DRC7: variants seen among roughly 807,000 people sequenced by gnomAD.
DRC7 encodes the protein coiled-coil domain containing 135.
In DRC7, 80 loss-of-function variants were observed where a neutral mutation model predicts 104.4. The ratio of observed to expected loss-of-function variants is 0.77; its 90% CI spans 0.64 to 0.92. The LOEUF (loss-of-function observed/expected upper bound fraction) is 0.92, where lower values mean the gene tolerates loss of function less well. DRC7 is among the 40% of genes least tolerant of loss of function. The probability of loss-of-function intolerance (pLI) is 0.00; values close to 1 mark genes in which losing one functional copy is unlikely to be tolerated. For synonymous variants in DRC7, 405 were observed against 447.3 expected (o/e 0.91, Z 1.19); for missense variants, 1,034 against 1,141.1 (o/e 0.91, Z 1.35).
At chr16:57,724,309 C>CAAA (rs35767816) in intron 12 of DRC7, among the ~76,000 whole-genome samples, 74 of 80,646 alleles carry the variant, frequency 9.2e-4, no homozygotes, top group Non-Finnish European at 1.4e-3. Context: ...GGCTGTGTCT[C>CAAA]AAAAAAAAAA....
chr16:57,701,726 A>T (rs2148732999), intron 5 of DRC7: 1 of 562,358 alleles, frequency 1.8e-6, no homozygotes, highest in Non-Finnish European at 3.2e-6. Context: ...AGCCCCTTCA[A>T]ATGACAGGCA....
chr16:57,700,330 C>T, intron 5 of DRC7, 60 bp downstream of exon 5: 2 of 1,556,426 alleles, frequency 1.3e-6, no homozygotes, highest in South Asian at 1.2e-5. Flanking sequence ...GTGTGAGAAA[C>T]AAACTCACCC....
At chr16:57,707,704 G>A (rs1365393678) in intron 8 of DRC7, 26 bp downstream of exon 8, 2 of 1,598,390 alleles carry the variant, frequency 1.3e-6, no homozygotes, top group Non-Finnish European at 1.7e-6. Context: ...GAGCTGGGTG[G>A]GTGTGGCAGG....
chr16:57,723,014 T>C lies in DRC7; in HGVS notation c.1421T>C (p.Leu474Ser). The C allele has an allele frequency of 6.2e-7, 1 of 1,613,764 alleles. No individual in the cohort carries two copies. The highest frequency in any genetic ancestry group is 8.5e-7 in the Non-Finnish European group (1 of 1,179,958). ...TYEDLQCTNILEIKEWYQNRE... is the reference protein window; with the variant it reads ...TYEDLQCTNISEIKEWYQNRE... The stretch of plus-strand genomic sequence containing the variant: ...ATCGGCCCCACAGGTACCAATATTT[T>C]GGAGATAAAGGAGTGGTACCAGAAC... Residue 474 changes from leucine to serine, a missense_variant, in exon 12 of 19, where the codon TTG becomes TCG. Transcript: ENST00000360716.
At chr16:57,717,765 T>A (rs2048859871) in intron 8 of DRC7, among the ~76,000 whole-genome samples, 1 of 151,862 alleles carries the variant, frequency 6.6e-6, no homozygotes, top group Non-Finnish European at 1.5e-5. Flanking sequence ...GGTCTTGAAC[T>A]CCTGGGCTCA....
intron 9 of DRC7, 136 bp from the exon 10 acceptor site, chr16:57,721,531 A>G: frequency 1.5e-6 from 1 of 665,278 alleles, no homozygotes; most frequent in Non-Finnish European, 2.7e-6. Flanking sequence ...GGTCGTGCTC[A>G]TGACCTCCAG....
In DRC7 at chr16:57,726,259, G is replaced by A. The variant is rs1360875569; in HGVS notation, c.1950G>A (p.Thr650=). The change falls in exon 14 of 19, where the codon ACG becomes ACA. Residue 650 remains threonine (T), a synonymous_variant. Coordinates refer to ENST00000360716, the MANE Select transcript of DRC7 (RefSeq NM_001289162.2). ...GCAAAGGCAACAAGATCATCATGAC[G>A]CCCGACATGTGCATCAGCTTCGAGG... ...VDSKGNKIIM[T]PDMCISFEVE... 2.5e-6 allele frequency: 4 copies of A among 1,612,086 alleles called. No homozygotes were observed. Among genetic ancestry groups the A allele is most frequent in the Admixed American group, 1.7e-5 (1 of 60,002 alleles).
chr16:57,703,200 CAAAAAAAAAA>C (rs71152293), intron 6 of DRC7, among the ~76,000 whole-genome samples: 13 of 62,922 alleles, frequency 2.1e-4, no homozygotes, highest in African/African-American at 6.0e-4. Context: ...TTTTTAATAG[CAAAAAAAAAA>C]AAAAAAAAAA....
intron 8 of DRC7, 25 bp from the exon 9 acceptor site, chr16:57,718,322 A>T (rs748059386): frequency 6.2e-7 from 1 of 1,611,740 alleles, no homozygotes. Flanking sequence ...GGGTACACTC[A>T]GTTGACTGCC....
rs80037658 is a variant in DRC7, at chr16:57,699,064, G to A, written c.378+40G>A. The stretch of plus-strand genomic sequence containing the variant: ...TTGAGGGCAGGGCTGGGGAGCCTGG[G>A]GCTGGAGAGCAGAGGGCACAGGGAA... On this transcript the variant is annotated intron_variant, in intron 4 of 18. Coordinates refer to ENST00000360716, the MANE Select transcript of DRC7 (RefSeq NM_001289162.2). The A allele has an allele frequency of 1.3e-3, 2,162 of 1,602,484 alleles. 24 individuals carry two copies. The African/African-American group carries it at 0.02, about 15-fold the overall frequency.
chr16:57,704,916 C>T lies in DRC7; in HGVS notation c.740C>T (p.Thr247Ile). 2 of 1,613,704 alleles carry T rather than the reference C, an allele frequency of 1.2e-6. No individual in the cohort carries two copies. The highest frequency in any genetic ancestry group is 1.1e-5 in the South Asian group (1 of 91,070). ...KEEKVLPKKY[T>I]IKPPRDLCSR... The stretch of plus-strand genomic sequence containing the variant: ...GAAAAGGTGCTGCCTAAGAAGTATA[C>T]CATCAAACCCCCCAGGGACCTGTGC... The change falls in exon 7 of 19, where the codon ACC becomes ATC. Residue 247 changes from threonine to isoleucine, a missense_variant. Physicochemically the swap from Thr to Ile is moderately conservative, Grantham distance 89. Transcript: ENST00000360716.
At chr16:57,730,887 T>C in intron 17 of DRC7, 44 bp from the exon 18 acceptor site, 1 of 1,604,980 alleles carries the variant, frequency 6.2e-7, no homozygotes, top group Non-Finnish European at 8.5e-7. Flanking sequence ...TGGGTGAAGG[T>C]CAGCCTTGTC....
At position 57,699,171 on chromosome 16, in the gene DRC7, A is replaced by C. The variant is rs2048631126; in HGVS notation, c.378+147A>C. On this transcript the variant is annotated intron_variant, in intron 4 of 18. Coordinates refer to ENST00000360716, the MANE Select transcript of DRC7 (RefSeq NM_001289162.2). Reference sequence around the variant, plus strand: ...GCGCTTCTAGTCTGGGGGCAACATAAAGTCGAACGCCAGCAGGCCTCAGCA... The same window carrying C: ...GCGCTTCTAGTCTGGGGGCAACATACAGTCGAACGCCAGCAGGCCTCAGCA... The C allele has an allele frequency of 2.0e-5, 19 of 940,344 alleles. No individual in the cohort carries two copies. In the East Asian group the frequency reaches 4.4e-4, roughly 22 times the overall value. The allele number at this position is 940,344 out of a possible 1,614,324, so 58.3% of individuals were successfully genotyped here.
chr16:57,703,507 G>A (rs1246807717), intron 6 of DRC7, among the ~76,000 whole-genome samples: 4 of 152,188 alleles, frequency 2.6e-5, no homozygotes, highest in Admixed American at 2.6e-4. Flanking sequence ...GGATCACTGT[G>A]TACCTGGGTT....
chr16:57,722,689 G>A, intron 10 of DRC7, 24 bp from the exon 11 acceptor site: 1 of 1,612,884 alleles, frequency 6.2e-7, no homozygotes, highest in African/African-American at 1.3e-5. Context: ...AGCAAGAAGA[G>A]ACCACAGCTG....
At chr16:57,706,541 C>T (rs1233887945) in intron 7 of DRC7, among the ~76,000 whole-genome samples, 1 of 127,002 alleles carries the variant, frequency 7.9e-6, no homozygotes, top group Non-Finnish European at 1.7e-5. Context: ...CACCCATCCA[C>T]CCATCCTCCC....
At chr16:57,698,179 G>C in intron 3 of DRC7, 27 bp downstream of exon 3, 1 of 1,613,494 alleles carries the variant, frequency 6.2e-7, no homozygotes, top group Non-Finnish European at 8.5e-7. Context: ...GGGGGCCCTG[G>C]CAAGGGTAGA....
chr16:57,698,096 C>T lies in DRC7; in HGVS notation c.147C>T (p.Leu49=). 1 of 1,614,144 alleles carries T rather than the reference C, an allele frequency of 6.2e-7. No individual in the cohort carries two copies. The highest frequency in any genetic ancestry group is 8.5e-7 in the Non-Finnish European group (1 of 1,180,024). ...AAATCACCTTAAAGCAGGAGACGCTCAGAGACCTGGAGAAGAAGCTGTCAG... is the reference window on the plus strand; with the variant it reads ...AAATCACCTTAAAGCAGGAGACGCTTAGAGACCTGGAGAAGAAGCTGTCAG... The part of the protein sequence containing the change: ...KEEITLKQET[L]RDLEKKLSEI... Residue 49 remains leucine, a synonymous_variant, in exon 3 of 19, where the codon CTC becomes CTT. Transcript: ENST00000360716.
Position 57,702,115 on chromosome 16 carries a change from T to G in DRC7, c.684T>G (p.Thr228=), listed in dbSNP as rs1431170187. The G allele has an allele frequency of 6.2e-7, 1 of 1,614,086 alleles. No homozygotes were observed. The highest frequency in any genetic ancestry group is 2.2e-5 in the East Asian group (1 of 44,874). The change falls in exon 6 of 19, where the codon ACT becomes ACG. Residue 228 remains threonine (T), a synonymous_variant. Transcript: ENST00000360716. Reference sequence around the variant, plus strand: ...TGACGCGGGAGGTGTGCCCACTCACTGTGAAGCCCAAGGAGGTATGGTCGG... The same window carrying G: ...TGACGCGGGAGGTGTGCCCACTCACGGTGAAGCCCAAGGAGGTATGGTCGG... ...MDLTREVCPL[T]VKPKETIKKE...
Sources: allele counts gnomAD v4.1 joint callset (sites outside exome capture counted in the v4.1 genomes callset), GRCh38; gene constraint gnomAD v4.1.1; transcripts MANE v1.5; gene names NCBI Gene and HGNC (gene_info 2026-07-23, HGNC 2026-07-21).